Variants in MAGI1 observed in about 807,000 individuals in gnomAD.
MAGI1 encodes the protein membrane-associated guanylate kinase, WW and PDZ domain-containing protein 1.
MAGI1 carries 58 observed loss-of-function variants against 139.9 expected under a neutral mutation model. The ratio of observed to expected loss-of-function variants is 0.41; its 90% CI spans 0.34 to 0.52. MAGI1 has a LOEUF of 0.52. Among genes scored for constraint, MAGI1 ranks in the 20% least tolerant of loss-of-function variants. The pLI, the probability that MAGI1 is intolerant of heterozygous loss-of-function variation, is 0.12. For missense variants in MAGI1, 1,874 were observed against 1,901.6 expected (o/e 0.99, Z 0.27); for synonymous variants, 812 against 737.9 (o/e 1.10, Z -1.63).
At chr3:65,737,577 G>A (rs2034879126) in intron 1 of MAGI1, among the ~76,000 whole-genome samples, 2 of 152,248 alleles carry the variant, frequency 1.3e-5, no homozygotes, top group Admixed American at 6.5e-5. Flanking sequence ...AGCATTGTGG[G>A]AGCATGGCAG....
intron 14 of MAGI1, among the ~76,000 whole-genome samples, chr3:65,385,158 T>C (rs1205756528): frequency 6.6e-6 from 1 of 152,186 alleles, no homozygotes; most frequent in Non-Finnish European, 1.5e-5. Context: ...GGCTTTAAAA[T>C]GAATATCTTG....
chr3:65,927,829 A>T (rs953556993), intron 1 of MAGI1, among the ~76,000 whole-genome samples: 3 of 152,126 alleles, frequency 2.0e-5, no homozygotes, highest in Non-Finnish European at 4.4e-5. Context: ...AATCAAGGGA[A>T]GGGAGATCCT....
chr3:65,928,454 G>T (rs778450716), intron 1 of MAGI1, among the ~76,000 whole-genome samples: 1 of 152,152 alleles, frequency 6.6e-6, no homozygotes, highest in African/African-American at 2.4e-5. Context: ...ACAGAAACTG[G>T]ATGACCTCAT....
chr3:66,015,656 A>ATAT (rs2067595850), intron 1 of MAGI1, among the ~76,000 whole-genome samples: 1 of 152,210 alleles, frequency 6.6e-6, no homozygotes, highest in African/African-American at 2.4e-5. Flanking sequence ...CAATTAGATG[A>ATAT]TATTTTTTAA....
intron 2 of MAGI1, among the ~76,000 whole-genome samples, chr3:65,531,140 T>C (rs1466619639): frequency 6.6e-6 from 1 of 151,822 alleles, no homozygotes; most frequent in Non-Finnish European, 1.5e-5. Context: ...TTTTTTTACA[T>C]TAAATTCTCT....
intron 1 of MAGI1, among the ~76,000 whole-genome samples, chr3:65,640,767 T>G (rs971898775): frequency 6.6e-6 from 1 of 152,162 alleles, no homozygotes; most frequent in Admixed American, 6.5e-5. Flanking sequence ...AAATAACATT[T>G]TAAAACTGCA....
intron 1 of MAGI1, among the ~76,000 whole-genome samples, chr3:65,921,488 T>G (rs1490555442): frequency 6.6e-6 from 1 of 151,976 alleles, no homozygotes; most frequent in East Asian, 1.9e-4. Context: ...TTTGTATTTT[T>G]TGGTAGAGAC....
chr3:65,699,827 T>C (rs1047215636), intron 1 of MAGI1, among the ~76,000 whole-genome samples: 2 of 150,392 alleles, frequency 1.3e-5, no homozygotes, highest in African/African-American at 4.9e-5. Context: ...TGTATACATA[T>C]GTAACTAACC....
At chr3:65,715,472 T>C (rs1342377599) in intron 1 of MAGI1, among the ~76,000 whole-genome samples, 3 of 152,184 alleles carry the variant, frequency 2.0e-5, no homozygotes, top group African/African-American at 7.2e-5. Context: ...TGCTGGGAGT[T>C]TGGAAATTCC....
intron 12 of MAGI1, among the ~76,000 whole-genome samples, chr3:65,423,310 T>C (rs964797084): frequency 6.6e-6 from 1 of 152,170 alleles, no homozygotes; most frequent in East Asian, 1.9e-4. Context: ...TAACTCTCTG[T>C]GCATGGCTTA....
chr3:65,443,550 C>A (rs559677855), intron 7 of MAGI1, among the ~76,000 whole-genome samples: 22 of 152,290 alleles, frequency 1.4e-4, no homozygotes, highest in African/African-American at 4.6e-4. Context: ...CTCTACAGAA[C>A]TTCCTAAGGT....
chr3:65,649,368 C>G (rs970948528), intron 1 of MAGI1, among the ~76,000 whole-genome samples: 5 of 151,976 alleles, frequency 3.3e-5, no homozygotes, highest in African/African-American at 1.2e-4. Flanking sequence ...TGACAGAGAC[C>G]CTATCTCTAA....
At chr3:65,764,928 TA>T (rs1305746488) in intron 1 of MAGI1, among the ~76,000 whole-genome samples, 1 of 152,214 alleles carries the variant, frequency 6.6e-6, no homozygotes, top group Non-Finnish European at 1.5e-5. Context: ...GGCAACAGAC[TA>T]TGTACTAATT....
intron 2 of MAGI1, among the ~76,000 whole-genome samples, chr3:65,615,528 T>C (rs1576487617): frequency 6.6e-6 from 1 of 152,166 alleles, no homozygotes; most frequent in South Asian, 2.1e-4. Context: ...AAATGCAAAG[T>C]GGTTTTCTGC....
intron 1 of MAGI1, among the ~76,000 whole-genome samples, chr3:65,882,954 A>G (rs199918169): frequency 6.6e-6 from 1 of 150,570 alleles, no homozygotes; most frequent in Non-Finnish European, 1.5e-5. Flanking sequence ...AAAAAAAAGG[A>G]AAAAAGAAAG....
chr3:65,596,423 C>T (rs1446736558), intron 2 of MAGI1, among the ~76,000 whole-genome samples: 1 of 152,192 alleles, frequency 6.6e-6, no homozygotes, highest in Non-Finnish European at 1.5e-5. Flanking sequence ...GGTTATTTGG[C>T]TAGCACACAC....
chr3:65,691,489 C>CTGTTT (rs777973274), intron 1 of MAGI1, among the ~76,000 whole-genome samples: 1 of 151,952 alleles, frequency 6.6e-6, no homozygotes, highest in Non-Finnish European at 1.5e-5. Context: ...ACTGAGAAAT[C>CTGTTT]TGTTTTCCTT....
At chr3:65,859,013 C>T (rs891594727) in intron 1 of MAGI1, among the ~76,000 whole-genome samples, 1 of 152,098 alleles carries the variant, frequency 6.6e-6, no homozygotes, top group Admixed American at 6.6e-5. Context: ...CTGCTGTGTG[C>T]CAGATATTGT....
In MAGI1 at chr3:65,623,705, C is replaced by T. The variant is rs187714221; in HGVS notation, c.314-1617G>A. 7.9e-5 allele frequency among the ~76,000 whole-genome samples: 12 copies of T among 152,252 alleles called. No homozygotes were observed. The East Asian group carries it at 1.4e-3, about 17-fold the overall frequency. On this transcript the variant is annotated intron_variant, in intron 1 of 22. Transcript: ENST00000402939. ...AGTGATGGTTAAGATGATGGTATTTCCTACCTAGGGCAGGAAACTACTGAT... is the reference window on the plus strand; with the variant it reads ...AGTGATGGTTAAGATGATGGTATTTTCTACCTAGGGCAGGAAACTACTGAT...
Sources: allele counts gnomAD v4.1 joint callset (sites outside exome capture counted in the v4.1 genomes callset), GRCh38; gene constraint gnomAD v4.1.1; transcripts MANE v1.5; gene names NCBI Gene and HGNC (gene_info 2026-07-23, HGNC 2026-07-21).